Variants in CDH8 observed in about 807,000 individuals in gnomAD.
CDH8 encodes the protein cadherin 8.
In CDH8, 17 loss-of-function variants were observed where a neutral mutation model predicts 68.1. The ratio of observed to expected loss-of-function variants is 0.25; its 90% CI spans 0.17 to 0.37. The LOEUF (loss-of-function observed/expected upper bound fraction) is 0.37, where lower values mean the gene tolerates loss of function less well. CDH8 is among the 10% of genes least tolerant of loss of function. The probability of loss-of-function intolerance (pLI) is 1.00; values close to 1 mark genes in which losing one functional copy is unlikely to be tolerated. For missense variants in CDH8, 763 were observed against 999.3 expected (o/e 0.76, Z 3.19); for synonymous variants, 372 against 365.1 (o/e 1.02, Z -0.21).
intron 3 of CDH8, among the ~76,000 whole-genome samples, chr16:61,874,938 A>T (rs2143079067): frequency 1.3e-5 from 2 of 152,298 alleles, no homozygotes; most frequent in Middle Eastern, 6.8e-3. Context: ...TGCAAGACAG[A>T]GTGCTAGAAT....
At chr16:61,829,504 C>T (rs1962411434) in intron 4 of CDH8, among the ~76,000 whole-genome samples, 1 of 151,826 alleles carries the variant, frequency 6.6e-6, no homozygotes. Flanking sequence ...TTCAAAAGTA[C>T]TTCAGTGTAA....
At chr16:62,017,141 C>A (rs1354817101) in intron 2 of CDH8, among the ~76,000 whole-genome samples, 1 of 152,088 alleles carries the variant, frequency 6.6e-6, no homozygotes, top group Non-Finnish European at 1.5e-5. Flanking sequence ...ATTTACTGAG[C>A]AGTTCCTATA....
At chr16:61,900,643 C>G (rs1486831754) in intron 3 of CDH8, among the ~76,000 whole-genome samples, 1 of 152,166 alleles carries the variant, frequency 6.6e-6, no homozygotes, top group Non-Finnish European at 1.5e-5. Flanking sequence ...CTAGCAGTCA[C>G]TCCTAAAAAA....
intron 5 of CDH8, 50 bp downstream of exon 5, chr16:61,824,962 A>G (rs771894403): frequency 3.4e-6 from 5 of 1,454,618 alleles, no homozygotes; most frequent in Non-Finnish European, 4.7e-6. Flanking sequence ...TATAAATTCA[A>G]ATGGAAACAT....
At chr16:62,023,557 C>T (rs1319056056) in intron 1 of CDH8, among the ~76,000 whole-genome samples, 1 of 152,098 alleles carries the variant, frequency 6.6e-6, no homozygotes, top group East Asian at 1.9e-4. Context: ...TTATCCTGGG[C>T]TAGATGTGTG....
chr16:61,995,585 G>A (rs1432417913), intron 2 of CDH8, among the ~76,000 whole-genome samples: 2 of 152,140 alleles, frequency 1.3e-5, no homozygotes, highest in African/African-American at 4.8e-5. Flanking sequence ...CACCGTGTTA[G>A]CCAGGATGGT....
intron 2 of CDH8, among the ~76,000 whole-genome samples, chr16:61,985,639 C>T (rs1965612303): frequency 1.3e-5 from 2 of 152,148 alleles, no homozygotes; most frequent in South Asian, 4.1e-4. Flanking sequence ...ATTACAGGCA[C>T]CTGCCACCAT....
chr16:62,021,503 C>G lies in CDH8; in HGVS notation c.-100G>C. ...TTCATCATGCAGTGCCGAGCATTTA[C>G]TTACAGCTCTGCCACGTGTCTATAG... On this transcript the variant is annotated 5_prime_UTR_variant, in exon 2 of 12. Transcript: ENST00000577390. 6.6e-7 allele frequency: 1 copy of G among 1,509,366 alleles called. No individual in the cohort carries two copies. Among genetic ancestry groups the G allele is most frequent in the Non-Finnish European group, 8.8e-7 (1 of 1,133,976 alleles). The allele number at this position is 1,509,366 out of a possible 1,614,324, so 93.5% of individuals were successfully genotyped here. A position where few individuals can be genotyped will look rare whatever the true frequency, so the allele number is the denominator to read the frequency against.
intron 3 of CDH8, among the ~76,000 whole-genome samples, chr16:61,879,596 G>A (rs1055445370): frequency 6.6e-6 from 1 of 152,122 alleles, no homozygotes; most frequent in Admixed American, 6.5e-5. Context: ...CCCTGGTCTT[G>A]GCTGAACCTC....
chr16:61,809,764 C>A (rs535063320), intron 7 of CDH8, among the ~76,000 whole-genome samples: 1 of 152,286 alleles, frequency 6.6e-6, no homozygotes, highest in South Asian at 2.1e-4. Flanking sequence ...TCTCAGCATA[C>A]TTTAGATGCT....
chr16:61,844,282 G>T (rs143577362), intron 4 of CDH8, among the ~76,000 whole-genome samples: 16 of 120,450 alleles, frequency 1.3e-4, no homozygotes, highest in East Asian at 2.9e-4. Flanking sequence ...GTTGTGGGGT[G>T]GGGGGAGGGG....
chr16:61,844,880 G>A (rs996507332), intron 4 of CDH8, among the ~76,000 whole-genome samples: 4 of 152,088 alleles, frequency 2.6e-5, no homozygotes, highest in Non-Finnish European at 5.9e-5. Context: ...ATGCCATAAG[G>A]GAAAGACTTT....
chr16:62,007,033 A>C (rs1375830256), intron 2 of CDH8, among the ~76,000 whole-genome samples: 1 of 151,698 alleles, frequency 6.6e-6, no homozygotes, highest in African/African-American at 2.4e-5. Flanking sequence ...TCAGCCTCCC[A>C]AGTAGCTGGG....
chr16:61,946,052 A>T (rs1597082241), intron 2 of CDH8, among the ~76,000 whole-genome samples: 1 of 152,208 alleles, frequency 6.6e-6, no homozygotes, highest in East Asian at 1.9e-4. Context: ...GATTCTCAAA[A>T]ATTTGAGTTC....
chr16:61,972,568 G>GT, intron 2 of CDH8, among the ~76,000 whole-genome samples: 1 of 91,198 alleles, frequency 1.1e-5, no homozygotes, highest in African/African-American at 4.6e-5. Flanking sequence ...GGAACACATT[G>GT]TGGGTGTGTG....
At chr16:61,936,886 C>A (rs1964635983) in intron 2 of CDH8, among the ~76,000 whole-genome samples, 1 of 152,148 alleles carries the variant, frequency 6.6e-6, no homozygotes, top group African/African-American at 2.4e-5. Context: ...GCAATATTAT[C>A]TTTTATCATA....
chr16:61,712,981 A>G (rs1053169403), intron 10 of CDH8, among the ~76,000 whole-genome samples: 1 of 151,648 alleles, frequency 6.6e-6, no homozygotes, highest in Non-Finnish European at 1.5e-5. Flanking sequence ...TATAGCTTGT[A>G]TACAGACCAT....
chr16:61,798,388 T>C (rs973070131), intron 7 of CDH8, among the ~76,000 whole-genome samples: 5 of 152,312 alleles, frequency 3.3e-5, no homozygotes, highest in African/African-American at 9.6e-5. Context: ...CACAGCTGAA[T>C]TGCATAGAAC....
At chr16:61,707,758 C>CA (rs956708754) in intron 10 of CDH8, among the ~76,000 whole-genome samples, 17 of 150,194 alleles carry the variant, frequency 1.1e-4, no homozygotes, top group South Asian at 6.3e-4. Context: ...TATCTTTTTT[C>CA]AAAAAAAAAG....
Sources: allele counts gnomAD v4.1 joint callset (sites outside exome capture counted in the v4.1 genomes callset), GRCh38; gene constraint gnomAD v4.1.1; transcripts MANE v1.5; gene names NCBI Gene and HGNC (gene_info 2026-07-23, HGNC 2026-07-21).